The following PLXNA2 variants were observed in gnomAD, a reference collection of about 807,000 sequenced individuals.
PLXNA2 encodes plexin-A2.
A neutral mutation model predicts 193.5 loss-of-function variants in PLXNA2; 91 were observed. The ratio of observed to expected loss-of-function variants is 0.47; its 90% CI spans 0.40 to 0.56. PLXNA2 has a LOEUF of 0.56. Among genes scored for constraint, PLXNA2 ranks in the 20% least tolerant of loss-of-function variants. The pLI is 0.00. For missense variants in PLXNA2, 1,995 were observed against 2,503.2 expected, an observed-to-expected ratio of 0.80 and a Z score of 4.33; for synonymous variants, 997 against 1,027.3, an observed-to-expected ratio of 0.97 and a Z score of 0.56.
intron 4 of PLXNA2, among the ~76,000 whole-genome samples, chr1:208,118,945 CT>C (rs996421802): frequency 1.3e-5 from 2 of 152,144 alleles, no homozygotes; most frequent in Non-Finnish European, 2.9e-5. Context: ...ATTAAAATTA[CT>C]GTTTTAATCA....
intron 3 of PLXNA2, among the ~76,000 whole-genome samples, chr1:208,198,806 G>T (rs1054837294): frequency 6.6e-6 from 1 of 152,198 alleles, no homozygotes; most frequent in Non-Finnish European, 1.5e-5. Flanking sequence ...AAAAGCTAGT[G>T]GTTAAAAGCA....
At chr1:208,174,827 T>C (rs934339826) in intron 3 of PLXNA2, among the ~76,000 whole-genome samples, 4 of 152,234 alleles carry the variant, frequency 2.6e-5, no homozygotes, top group African/African-American at 9.6e-5. Context: ...AGTTCACGAC[T>C]GCAAAGTGAC....
chr1:208,029,889 C>T (rs948829181), intron 29 of PLXNA2: 1 of 985,630 alleles, frequency 1.0e-6, no homozygotes. Context: ...TTCCAGCTGC[C>T]TTCTGGGCTT....
chr1:208,105,100 T>C (rs1667220792), intron 4 of PLXNA2, among the ~76,000 whole-genome samples: 1 of 152,090 alleles, frequency 6.6e-6, no homozygotes, highest in African/African-American at 2.4e-5. Flanking sequence ...GAGTCCGGAG[T>C]TCAGGTCTCC....
At chr1:208,195,201 G>C (rs529983462) in intron 3 of PLXNA2, among the ~76,000 whole-genome samples, 1 of 152,348 alleles carries the variant, frequency 6.6e-6, no homozygotes, top group East Asian at 1.9e-4. Context: ...AGCAGCATGA[G>C]CTAGCAGGAG....
chr1:208,068,657 G>A (rs1418874193), intron 12 of PLXNA2, among the ~76,000 whole-genome samples: 2 of 152,238 alleles, frequency 1.3e-5, no homozygotes, highest in African/African-American at 2.4e-5. Flanking sequence ...GCAGTAAGGA[G>A]GGCCTGCGAA....
rs1389268096 is a variant in PLXNA2 at position 208,157,329 on chromosome 1, C to T, written c.1372-14866G>A. Among the ~76,000 whole-genome samples, 6 of 152,140 alleles carry T rather than the reference C, an allele frequency of 3.9e-5. No homozygotes were observed. In the East Asian group the frequency reaches 1.2e-3, roughly 29 times the overall value. On this transcript the variant is annotated intron_variant, in intron 3 of 31. Coordinates refer to ENST00000367033, the MANE Select transcript of PLXNA2 (RefSeq NM_025179.4). ...TAAGACAGTTATCATTCCATGTTGGCCAAATCTTTTATTGTAAGTCATCTT... is the reference window on the plus strand; with the variant it reads ...TAAGACAGTTATCATTCCATGTTGGTCAAATCTTTTATTGTAAGTCATCTT...
intron 4 of PLXNA2, among the ~76,000 whole-genome samples, chr1:208,131,509 G>A (rs1668152034): frequency 1.3e-5 from 2 of 152,210 alleles, no homozygotes; most frequent in African/African-American, 2.4e-5. Flanking sequence ...CCTGGAAGGA[G>A]CTGAAAAGCA....
chr1:208,079,507 C>T (rs1666264341), intron 11 of PLXNA2, 57 bp from the exon 12 acceptor site: 3 of 1,315,846 alleles, frequency 2.3e-6, no homozygotes, highest in Non-Finnish European at 1.1e-6. Flanking sequence ...CACAATGCAC[C>T]CTCCTCTTGC....
At chr1:208,138,891 G>T (rs1668382537) in intron 4 of PLXNA2, among the ~76,000 whole-genome samples, 1 of 152,160 alleles carries the variant, frequency 6.6e-6, no homozygotes, top group Non-Finnish European at 1.5e-5. Context: ...GCTGTGTGTG[G>T]TGGCATGTAC....
chr1:208,238,228 G>A (rs12035106), intron 1 of PLXNA2, among the ~76,000 whole-genome samples: 1 of 152,272 alleles, frequency 6.6e-6, no homozygotes, highest in South Asian at 2.1e-4. Flanking sequence ...TCTTCACTCG[G>A]AGCCCTGGGA....
At position 208,244,128 on chromosome 1, in the gene PLXNA2, C is replaced by A. The variant is rs931157943; in HGVS notation, c.-566G>T. 2 of 154,028 alleles carry A rather than the reference C, an allele frequency of 1.3e-5. No homozygotes were observed. The highest frequency in any genetic ancestry group is 4.8e-5 in the African/African-American group (2 of 41,474). The allele number at this position is 154,028 out of a possible 1,614,324, so 9.5% of individuals were successfully genotyped here. A position where few individuals can be genotyped will look rare whatever the true frequency, so the allele number is the denominator to read the frequency against. On this transcript the variant is annotated 5_prime_UTR_variant, in exon 1 of 32. Coordinates refer to ENST00000367033, the MANE Select transcript of PLXNA2 (RefSeq NM_025179.4). ...GGAGCCTGGCTTTCCAGATCTATTT[C>A]GAGGTTTGCTCCGCTGGCTGCGGCG...
intron 3 of PLXNA2, among the ~76,000 whole-genome samples, chr1:208,195,506 G>T (rs1279185538): frequency 6.6e-6 from 1 of 152,126 alleles, no homozygotes. Context: ...TGCATTTACT[G>T]CCAGTGGCTG....
intron 1 of PLXNA2, among the ~76,000 whole-genome samples, chr1:208,234,585 T>TTG (rs1275491708): frequency 6.6e-6 from 1 of 152,166 alleles, no homozygotes; most frequent in Non-Finnish European, 1.5e-5. Flanking sequence ...TGATCAGTGC[T>TTG]ACCAAGGATC....
At chr1:208,076,277 C>T (rs541107012) in intron 12 of PLXNA2, among the ~76,000 whole-genome samples, 3 of 152,150 alleles carry the variant, frequency 2.0e-5, no homozygotes, top group African/African-American at 7.2e-5. Context: ...CAGGATTCTG[C>T]TATGTTGCCC....
chr1:208,129,494 A>T (rs967587885), intron 4 of PLXNA2, among the ~76,000 whole-genome samples: 5 of 152,234 alleles, frequency 3.3e-5, no homozygotes, highest in African/African-American at 1.2e-4. Context: ...TTCTGTGAGG[A>T]TGGATGCCTC....
chr1:208,050,006 A>G (rs1665204255), intron 17 of PLXNA2, among the ~76,000 whole-genome samples: 1 of 152,264 alleles, frequency 6.6e-6, no homozygotes, highest in African/African-American at 2.4e-5. Context: ...ATTGGCTGAA[A>G]GAGTGAGATG....
Position 208,161,749 on chromosome 1 carries a change from G to A in PLXNA2, c.1372-19286C>T, listed in dbSNP as rs143841766. Among the ~76,000 whole-genome samples the A allele has an allele frequency of 2.3e-3, 355 of 152,182 alleles. 2 individuals carry two copies. Among genetic ancestry groups the A allele is most frequent in the African/African-American group, 8.0e-3 (331 of 41,516 alleles). On this transcript the variant is annotated intron_variant, in intron 3 of 31. Coordinates refer to ENST00000367033, the MANE Select transcript of PLXNA2 (RefSeq NM_025179.4). ...TGGTCCTGTTACTCTCAGAGATAAC[G>A]GTCTTGGTTCTCATCACATTCATCT...
At position 208,028,045 on chromosome 1, in the gene PLXNA2, A is replaced by T. The variant is rs762260520; in HGVS notation, c.5553T>A (p.Asn1851Lys). ...ACTTGCTGACATAGGAGTAGATCTCATTGAGGGCACTCAGCATGTTGAACT... is the reference window on the plus strand; with the variant it reads ...ACTTGCTGACATAGGAGTAGATCTCTTTGAGGGCACTCAGCATGTTGAACT... ...AVEFNMLSALNEIYSYVSKYS... is the reference protein window; with the variant it reads ...AVEFNMLSALKEIYSYVSKYS... Residue 1851 changes from asparagine to lysine, a missense_variant, in exon 31 of 32, where the codon AAT becomes AAA. Physicochemically the swap from Asn to Lys is moderately conservative, Grantham distance 94. Transcript: ENST00000367033. The surrounding 1 kb of genome is among the most constrained non-coding windows in gnomAD (Gnocchi z 4.2). The T allele has an allele frequency of 6.2e-7, 1 of 1,606,890 alleles. No homozygotes were observed. The highest frequency in any genetic ancestry group is 2.3e-5 in the East Asian group (1 of 44,250).
Sources: allele counts gnomAD v4.1 joint callset (sites outside exome capture counted in the v4.1 genomes callset), GRCh38; gene constraint gnomAD v4.1.1; non-coding constraint Gnocchi (gnomAD v3.1); transcripts MANE v1.5; gene names NCBI Gene and HGNC (gene_info 2026-07-23, HGNC 2026-07-21).